HUWE1: variants seen among roughly 807,000 people sequenced by gnomAD.
The protein encoded by HUWE1 is HECT, UBA and WWE domain containing E3 ubiquitin protein ligase 1, also known as E3 ubiquitin-protein ligase HUWE1.
A neutral mutation model predicts 299.4 loss-of-function variants in HUWE1; 18 were observed. The observed-to-expected ratio is 0.06, with a 90% CI of 0.04 to 0.09. The LOEUF (loss-of-function observed/expected upper bound fraction) is 0.09, where lower values mean the gene tolerates loss of function less well. Ranked by LOEUF, HUWE1 falls within the 10% of genes least tolerant of loss-of-function variation. HUWE1 has a pLI of 1.00. For synonymous variants in HUWE1, 1,317 were observed against 1,286.1 expected (o/e 1.02, Z -0.51); for missense variants, 1,832 against 3,462.3 (o/e 0.53, Z 11.82).
chrX:53,576,760 C>T (rs782540984), intron 44 of HUWE1, 140 bp downstream of exon 44: 2 of 578,863 alleles, frequency 3.5e-6, no homozygotes, highest in Non-Finnish European at 5.8e-6. Context: ...CACAGACATG[C>T]AATGGGTATC....
intron 7 of HUWE1, among the ~76,000 whole-genome samples, chrX:53,638,347 C>CA (rs2067353558): frequency 1.8e-5 from 2 of 110,075 alleles, no homozygotes; most frequent in South Asian, 3.8e-4. Flanking sequence ...CTCAAAAAAA[C>CA]AAAAAACAAA....
At chrX:53,557,851 G>C (rs1465926552) in intron 59 of HUWE1, among the ~76,000 whole-genome samples, 2 of 111,581 alleles carry the variant, frequency 1.8e-5, no homozygotes, top group Non-Finnish European at 3.8e-5. Flanking sequence ...AACAATGTGT[G>C]TATTAGGTAA....
At chrX:53,647,289 T>C (rs782366327) in intron 6 of HUWE1, 79 bp downstream of exon 6, 8 of 691,999 alleles carry the variant, frequency 1.2e-5, no homozygotes, top group South Asian at 2.3e-5. Flanking sequence ...AAAGAAGCAA[T>C]AGAAATAGCA....
At chrX:53,594,361 C>A in intron 31 of HUWE1, 138 bp downstream of exon 31, 1 of 707,206 alleles carries the variant, frequency 1.4e-6, no homozygotes, top group Non-Finnish European at 2.2e-6. Flanking sequence ...TCCCAGAACA[C>A]TGAAGGATAC....
Position 53,604,646 on chromosome X carries a change from T to C in HUWE1, c.2685A>G (p.Ala895=). The C allele has an allele frequency of 8.3e-7, 1 of 1,210,896 alleles. No individual in the cohort carries two copies. The highest frequency in any genetic ancestry group is 1.1e-6 in the Non-Finnish European group (1 of 894,698). The change falls in exon 26 of 84, where the codon GCA becomes GCG. Residue 895 remains alanine, a synonymous_variant. Coordinates refer to ENST00000262854, the MANE Select transcript of HUWE1 (RefSeq NM_031407.7). ...TGATGTAGGCATGGGCAGCAGTGAG[T>C]GCATGCAGCAGAGGTGTGGCCTGGG... ...LSAQATPLLH[A]LTAAHAYIMM...
chrX:53,575,412 G>A (rs2063053027), intron 45 of HUWE1, among the ~76,000 whole-genome samples, 191 bp from the exon 46 acceptor site: 1 of 111,177 alleles, frequency 9.0e-6, no homozygotes, highest in Non-Finnish European at 1.9e-5. Context: ...AGACTGTGGG[G>A]GAGGCGGGGA....
chrX:53,623,461 A>C (rs1427095985), intron 19 of HUWE1, among the ~76,000 whole-genome samples: 1 of 112,318 alleles, frequency 8.9e-6, no homozygotes, highest in African/African-American at 3.2e-5. Context: ...TAGAGTTGCT[A>C]CACCACAAGA....
In HUWE1 at chrX:53,584,364, A is replaced by G. The variant is rs782767149; in HGVS notation, c.5002-19T>C. The stretch of plus-strand genomic sequence containing the variant: ...CATTAACCTAGGAATTCAAACAGAC[A>G]TTAAAAAAACCTCTACCAAAAATGA... On this transcript the variant is annotated intron_variant, in intron 40 of 83. Coordinates refer to ENST00000262854, the MANE Select transcript of HUWE1 (RefSeq NM_031407.7). 2 of 1,189,453 alleles carry G rather than the reference A, an allele frequency of 1.7e-6. No individual in the cohort carries two copies. Among genetic ancestry groups the G allele is most frequent in the South Asian group, 3.6e-5 (2 of 56,096 alleles).
At chrX:53,657,604 T>C (rs1603260149) in intron 3 of HUWE1, among the ~76,000 whole-genome samples, 1 of 111,910 alleles carries the variant, frequency 8.9e-6, no homozygotes, top group East Asian at 2.8e-4. Context: ...GTAAAGGAAA[T>C]AAAAATTATA....
rs782276123 is a variant in HUWE1 at position 53,546,504 on chromosome X, C to T, written c.10847G>A (p.Arg3616Gln). 4 of 1,210,006 alleles carry T rather than the reference C, an allele frequency of 3.3e-6. No homozygotes were observed. Among genetic ancestry groups the T allele is most frequent in the African/African-American group, 1.7e-5 (1 of 57,730 alleles). ...LQLSRGDSGT[R>Q]DTVLKLLLNG... ...CAGTAGCAGCTTGAGAACAGTGTCC[C>T]GGGTCCCAGAGTCCCCCCGGGAGAG... The change falls in exon 70 of 84, where the codon CGG becomes CAG. Residue 3616 changes from arginine to glutamine, a missense_variant. By Grantham distance (43) the Arg-to-Gln change is conservative. Coordinates refer to ENST00000262854, the MANE Select transcript of HUWE1 (RefSeq NM_031407.7).
intron 60 of HUWE1, chrX:53,556,352 C>T (rs908866258): frequency 1.2e-5 from 4 of 343,359 alleles, no homozygotes; most frequent in Non-Finnish European, 1.8e-5. Context: ...CTAATAAGGG[C>T]AGCAGGCAAA....
At chrX:53,575,974 G>A (rs2063083856) in intron 44 of HUWE1, among the ~76,000 whole-genome samples, 186 bp from the exon 45 acceptor site, 1 of 112,455 alleles carries the variant, frequency 8.9e-6, no homozygotes, top group African/African-American at 3.2e-5. Flanking sequence ...TGTGACCACA[G>A]GCAATTAACT....
chrX:53,681,411 C>A (rs782684196), intron 2 of HUWE1, among the ~76,000 whole-genome samples: 1 of 99,868 alleles, frequency 1.0e-5, no homozygotes, highest in African/African-American at 3.8e-5. Flanking sequence ...TCCAGCCTGG[C>A]GAGAGCAAGA....
Position 53,594,501 on chromosome X carries a change from A to G in HUWE1, c.3501T>C (p.Phe1167=). The change falls in exon 31 of 84, where the codon TTT becomes TTC. Residue 1167 remains phenylalanine, a splice_region_variant and synonymous_variant. Coordinates refer to ENST00000262854, the MANE Select transcript of HUWE1 (RefSeq NM_031407.7). The part of the protein sequence containing the change: ...FLCSGGHNAL[F]ETFNWALSMG... Reference sequence around the variant, plus strand: ...CTGTGAAGCAACTTGATCCTTACTCAAAAAGAGCATTGTGGCCTCCGGAGC... The same window carrying G: ...CTGTGAAGCAACTTGATCCTTACTCGAAAAGAGCATTGTGGCCTCCGGAGC... The G allele has an allele frequency of 8.3e-7, 1 of 1,210,149 alleles. No homozygotes were observed. Among genetic ancestry groups the G allele is most frequent in the Non-Finnish European group, 1.1e-6 (1 of 894,484 alleles).
At chrX:53,560,042 A>T in intron 56 of HUWE1, 146 bp downstream of exon 56, 1 of 563,268 alleles carries the variant, frequency 1.8e-6, no homozygotes, top group Non-Finnish European at 2.9e-6. Context: ...CATGTAATCC[A>T]CAAAGAAATG....
At chrX:53,623,731 A>G (rs1165642979) in intron 19 of HUWE1, among the ~76,000 whole-genome samples, 1 of 112,358 alleles carries the variant, frequency 8.9e-6, no homozygotes, top group Non-Finnish European at 1.9e-5. Flanking sequence ...AGAAAACAAA[A>G]CAAGTATGTA....
intron 7 of HUWE1, among the ~76,000 whole-genome samples, chrX:53,642,777 T>C (rs2067692341): frequency 1.8e-5 from 2 of 112,697 alleles, no homozygotes; most frequent in Non-Finnish European, 3.7e-5. Context: ...TCCTGTTCTA[T>C]AAATTGCCTA....
chrX:53,571,393 C>T (rs2062821556), intron 47 of HUWE1, among the ~76,000 whole-genome samples: 1 of 111,844 alleles, frequency 8.9e-6, no homozygotes, highest in African/African-American at 3.3e-5. Context: ...GGGAGGATCA[C>T]TTGAGGCCAG....
chrX:53,551,233 C>T, intron 64 of HUWE1, 33 bp downstream of exon 64: 1 of 1,210,637 alleles, frequency 8.3e-7, no homozygotes, highest in Non-Finnish European at 1.1e-6. Flanking sequence ...TCCTGCCAGG[C>T]AGCCTGGCCC....
Sources: allele counts gnomAD v4.1 joint callset (sites outside exome capture counted in the v4.1 genomes callset), GRCh38; gene constraint gnomAD v4.1.1; transcripts MANE v1.5; gene names NCBI Gene and HGNC (gene_info 2026-07-23, HGNC 2026-07-21).